BTAF1: variants seen among roughly 807,000 people sequenced by gnomAD.
The protein encoded by BTAF1 is B-TFIID TATA-box binding protein associated factor 1, also known as TATA-binding protein-associated factor 172.
In BTAF1, 38 loss-of-function variants were observed where a neutral mutation model predicts 227.1. The observed-to-expected ratio is 0.17, with a 90% CI of 0.13 to 0.22. The LOEUF (loss-of-function observed/expected upper bound fraction) is 0.22. Ranked by LOEUF, BTAF1 falls within the 10% of genes least tolerant of loss-of-function variation. The pLI, the probability that BTAF1 is intolerant of heterozygous loss-of-function variation, is 1.00. For missense variants in BTAF1, 1,598 were observed against 2,204.0 expected, an observed-to-expected ratio of 0.73 and a Z score of 5.51; for synonymous variants, 742 against 751.9, an observed-to-expected ratio of 0.99 and a Z score of 0.21.
intron 25 of BTAF1, among the ~76,000 whole-genome samples, chr10:92,001,658 G>T (rs1849535486): frequency 6.6e-6 from 1 of 151,694 alleles, no homozygotes; most frequent in Admixed American, 6.6e-5. Flanking sequence ...ATATTTAAAG[G>T]AATAATTTAA....
rs753158964 is a variant in BTAF1, at chr10:92,026,760, C to G, written c.5235+9C>G. 6 of 1,609,052 alleles carry G rather than the reference C, an allele frequency of 3.7e-6. No homozygotes were observed. In the South Asian group the frequency reaches 6.6e-5, roughly 18 times the overall value. On this transcript the variant is annotated intron_variant, in intron 36 of 37. Transcript: ENST00000265990. ...CCCATCGCATTGGGCAGGTAAAAGT[C>G]AATTTTACCTCACAGATGTTAACCT...
At chr10:91,935,319 C>A (rs11186756) in intron 1 of BTAF1, among the ~76,000 whole-genome samples, 57 of 152,204 alleles carry the variant, frequency 3.7e-4, no homozygotes, top group East Asian at 1.9e-3. Context: ...TCTGCAGTGC[C>A]ACAGAACACT....
chr10:92,016,595 A>G (rs1850748104), intron 33 of BTAF1, 130 bp downstream of exon 33: 1 of 678,618 alleles, frequency 1.5e-6, no homozygotes, highest in Non-Finnish European at 2.2e-6. Context: ...CATGCCTCAG[A>G]CTCCTGAGTA....
At chr10:92,012,637 G>T (rs1850450413) in intron 30 of BTAF1, among the ~76,000 whole-genome samples, 1 of 151,340 alleles carries the variant, frequency 6.6e-6, no homozygotes, top group Non-Finnish European at 1.5e-5. Context: ...CAGGCATGGT[G>T]ACGCACGCCT....
chr10:91,997,842 C>G (rs1399579347), intron 25 of BTAF1, 91 bp downstream of exon 25: 17 of 1,318,796 alleles, frequency 1.3e-5, no homozygotes, highest in Non-Finnish European at 1.8e-5. Flanking sequence ...GGTACAAAGG[C>G]TCATGCCTGT....
At chr10:91,943,207 G>C (rs780748878) in intron 4 of BTAF1, among the ~76,000 whole-genome samples, 1 of 152,080 alleles carries the variant, frequency 6.6e-6, no homozygotes, top group African/African-American at 2.4e-5. Context: ...CCAGCTACCC[G>C]TGAGGCTGAG....
At chr10:91,939,923 T>C (rs534940653) in intron 2 of BTAF1, 29 bp from the exon 3 acceptor site, 3 of 1,467,310 alleles carry the variant, frequency 2.0e-6, no homozygotes, top group African/African-American at 2.8e-5. Context: ...TATTTTTGTA[T>C]ACGTAACTTT....
At position 92,008,732 on chromosome 10, in the gene BTAF1, AT is replaced by A. The variant is rs547512139; in HGVS notation, c.3814-92del. 144 of 1,147,384 alleles carry A rather than the reference AT, an allele frequency of 1.3e-4. No individual in the cohort carries two copies. The African/African-American group carries it at 2.1e-3, about 17-fold the overall frequency. The allele number at this position is 1,147,384 out of a possible 1,614,324, so 71.1% of individuals were successfully genotyped here. A position where few individuals can be genotyped will look rare whatever the true frequency, so the allele number is the denominator to read the frequency against. On this transcript the variant is annotated intron_variant, in intron 26 of 37. Coordinates refer to ENST00000265990, the MANE Select transcript of BTAF1 (RefSeq NM_003972.3). Reference sequence around the variant, plus strand: ...TTATTTCTCTTTTGCATATAGAAATATTTTTGTTTTGTGCAAACGTTGTTTA... The same window carrying A: ...TTATTTCTCTTTTGCATATAGAAATATTTTGTTTTGTGCAAACGTTGTTTA...
chr10:91,932,820 ATTTG>A (rs1394753564), intron 1 of BTAF1, among the ~76,000 whole-genome samples: 1 of 152,194 alleles, frequency 6.6e-6, no homozygotes, highest in Non-Finnish European at 1.5e-5. Context: ...AAAATACTTT[ATTTG>A]TTTGCTGTAG....
chr10:91,966,271 A>T (rs372160265), intron 13 of BTAF1, among the ~76,000 whole-genome samples: 1 of 152,194 alleles, frequency 6.6e-6, no homozygotes, highest in East Asian at 1.9e-4. Flanking sequence ...AGGATTAGCA[A>T]TCCTGATCAT....
Position 91,996,492 on chromosome 10 carries a change from T to C in BTAF1, c.3433T>C (p.Phe1145Leu). 1 of 1,614,204 alleles carries C rather than the reference T, an allele frequency of 6.2e-7. No individual in the cohort carries two copies. Among genetic ancestry groups the C allele is most frequent in the Non-Finnish European group, 8.5e-7 (1 of 1,180,026 alleles). ...AGCTACCATGGAAACAATGAATATT[T>C]TTTTGGAGAAGGTTCTTCCGTGGCT... ...KIATMETMNI[F>L]LEKVLPWLGA... Residue 1145 changes from phenylalanine (F) to leucine (L), a missense_variant, in exon 24 of 38, where the codon TTT becomes CTT. By Grantham distance (22) the Phe-to-Leu change is conservative. Transcript: ENST00000265990.
chr10:92,013,136 A>G (rs1850485672), intron 30 of BTAF1, among the ~76,000 whole-genome samples: 1 of 152,202 alleles, frequency 6.6e-6, no homozygotes, highest in Non-Finnish European at 1.5e-5. Flanking sequence ...ACCTGCACCT[A>G]TCAGGAAAGC....
chr10:91,964,938 CT>C (rs896798381), intron 13 of BTAF1, among the ~76,000 whole-genome samples: 16 of 152,044 alleles, frequency 1.1e-4, no homozygotes, highest in Non-Finnish European at 2.4e-4. Flanking sequence ...TCTTCTTGTC[CT>C]AGTGAGGGCG....
At chr10:91,999,386 A>G (rs1308863860) in intron 25 of BTAF1, among the ~76,000 whole-genome samples, 1 of 151,890 alleles carries the variant, frequency 6.6e-6, no homozygotes, top group Non-Finnish European at 1.5e-5. Context: ...AGAATTCAAC[A>G]CATTTTCAAG....
At chr10:91,925,257 C>G (rs1204969773) in intron 1 of BTAF1, among the ~76,000 whole-genome samples, 4 of 152,074 alleles carry the variant, frequency 2.6e-5, no homozygotes, top group Non-Finnish European at 4.4e-5. Flanking sequence ...TGAGAGAATA[C>G]AAGTGACATT....
intron 25 of BTAF1, among the ~76,000 whole-genome samples, chr10:92,001,530 G>C (rs1849527497): frequency 6.6e-6 from 1 of 152,084 alleles, no homozygotes; most frequent in Non-Finnish European, 1.5e-5. Context: ...ATAGAGCCAA[G>C]TTAGCCCTTG....
At chr10:91,971,372 A>C (rs1199025155) in intron 14 of BTAF1, among the ~76,000 whole-genome samples, 1 of 151,292 alleles carries the variant, frequency 6.6e-6, no homozygotes, top group African/African-American at 2.4e-5. Flanking sequence ...CTAATCACTG[A>C]TTCTTAGCAG....
At chr10:91,982,963 T>C (rs1753596033) in intron 18 of BTAF1, among the ~76,000 whole-genome samples, 1 of 152,224 alleles carries the variant, frequency 6.6e-6, no homozygotes. Flanking sequence ...CCCCTACTCA[T>C]ACTTCCAACT....
intron 11 of BTAF1, 113 bp from the exon 12 acceptor site, chr10:91,962,425 A>G: frequency 1.4e-6 from 1 of 705,086 alleles, no homozygotes; most frequent in African/African-American, 1.8e-5. Flanking sequence ...TAAGCAGTGC[A>G]TGACTATAAA....
Sources: gnomAD v4.1 joint callset for allele counts (sites outside exome capture counted in the v4.1 genomes callset) on GRCh38, gnomAD v4.1.1 for gene constraint, MANE v1.5 for transcripts, NCBI Gene and HGNC (gene_info 2026-07-23, HGNC 2026-07-21) for gene names.